SHISA9: variants seen among roughly 807,000 people sequenced by gnomAD.
The protein encoded by SHISA9 is shisa family member 9.
Under a neutral mutation model 38.0 loss-of-function variants are expected in SHISA9, and 13 were observed. That is an observed-to-expected ratio of 0.34 (90% confidence interval 0.22 to 0.54). The LOEUF (loss-of-function observed/expected upper bound fraction) is 0.54, where lower values mean the gene tolerates loss of function less well. Ranked by LOEUF, SHISA9 falls within the 20% of genes least tolerant of loss-of-function variation. The probability of loss-of-function intolerance (pLI) is 0.91; values close to 1 mark genes in which losing one functional copy is unlikely to be tolerated. For missense variants in SHISA9, 538 were observed against 575.8 expected, an observed-to-expected ratio of 0.93 and a Z score of 0.67; for synonymous variants, 275 against 242.0, an observed-to-expected ratio of 1.14 and a Z score of -1.27.
At chr16:13,393,901 A>G in the SHISA9 span, among the ~76,000 whole-genome samples, 7 of 152,154 alleles carry the variant, frequency 4.6e-5, no homozygotes, top group African/African-American at 1.7e-4. Context: ...TGCTCTGACA[A>G]GTTGGGTCAT....
At chr16:13,536,349 G>A in the SHISA9 span, among the ~76,000 whole-genome samples, 10 of 152,184 alleles carry the variant, frequency 6.6e-5, no homozygotes, top group Middle Eastern at 3.4e-3. Context: ...TATCCCTGTG[G>A]CTACTTCTTT....
intron 2 of SHISA9, among the ~76,000 whole-genome samples, chr16:13,067,028 T>A (rs1338168127): frequency 1.3e-5 from 2 of 152,182 alleles, no homozygotes; most frequent in Admixed American, 1.3e-4. Flanking sequence ...CTTTGGGTAT[T>A]AGGGTGGATG....
chr16:13,347,587 G>GA, the SHISA9 span, among the ~76,000 whole-genome samples: 1 of 151,974 alleles, frequency 6.6e-6, no homozygotes, highest in African/African-American at 2.4e-5. Context: ...TCTGGACAAA[G>GA]AAAAAAATAC....
chr16:13,330,541 T>C, the SHISA9 span, among the ~76,000 whole-genome samples: 2 of 152,330 alleles, frequency 1.3e-5, no homozygotes, highest in South Asian at 4.1e-4. Flanking sequence ...TAGGCATCTA[T>C]CATCCCACTT....
the SHISA9 span, among the ~76,000 whole-genome samples, chr16:13,387,666 T>A: frequency 6.6e-6 from 1 of 152,008 alleles, no homozygotes; most frequent in African/African-American, 2.4e-5. Flanking sequence ...ATTTTTGTAT[T>A]TTTAGTAGAG....
chr16:13,397,932 G>C, the SHISA9 span, among the ~76,000 whole-genome samples: 1 of 152,182 alleles, frequency 6.6e-6, no homozygotes, highest in African/African-American at 2.4e-5. Flanking sequence ...TCAGCAGAGC[G>C]GGGAGCCAGA....
At chr16:13,108,055 A>G (rs143167980) in intron 2 of SHISA9, among the ~76,000 whole-genome samples, 1 of 152,252 alleles carries the variant, frequency 6.6e-6, no homozygotes, top group East Asian at 1.9e-4. Flanking sequence ...CTGAGAAATA[A>G]GAAATTTTGG....
At chr16:13,392,882 TACTC>T in the SHISA9 span, among the ~76,000 whole-genome samples, 2 of 152,338 alleles carry the variant, frequency 1.3e-5, no homozygotes, top group Admixed American at 6.5e-5. Flanking sequence ...GGGATTCTCT[TACTC>T]ACAGCCTTAG....
the SHISA9 span, among the ~76,000 whole-genome samples, chr16:13,302,979 AG>A: frequency 6.6e-6 from 1 of 152,164 alleles, no homozygotes; most frequent in Non-Finnish European, 1.5e-5. Context: ...AGGCCTCCCC[AG>A]CCATGCGAAA....
intron 2 of SHISA9, among the ~76,000 whole-genome samples, chr16:12,982,235 G>T (rs201409950): frequency 1.3e-5 from 2 of 152,214 alleles, no homozygotes; most frequent in Non-Finnish European, 2.9e-5. Flanking sequence ...ATGGTGGCCA[G>T]TAGCCACATG....
the SHISA9 span, among the ~76,000 whole-genome samples, chr16:13,332,236 G>A: frequency 6.6e-6 from 1 of 152,182 alleles, no homozygotes; most frequent in Non-Finnish European, 1.5e-5. Context: ...CTGGAACTCA[G>A]AAGTTCTCAA....
chr16:13,531,838 G>C, the SHISA9 span, among the ~76,000 whole-genome samples: 1 of 152,204 alleles, frequency 6.6e-6, no homozygotes, highest in Admixed American at 6.5e-5. Context: ...TTCATGTTCA[G>C]TGTGTGGCAC....
chr16:13,317,762 G>A, the SHISA9 span, among the ~76,000 whole-genome samples: 1 of 152,176 alleles, frequency 6.6e-6, no homozygotes, highest in Non-Finnish European at 1.5e-5. Context: ...GTCCCTTCAT[G>A]TGTCAAACTT....
intron 3 of SHISA9, among the ~76,000 whole-genome samples, chr16:13,211,296 ACT>A (rs2051117047): frequency 6.6e-6 from 1 of 150,568 alleles, no homozygotes; most frequent in South Asian, 2.1e-4. Context: ...ACAAAGCAAG[ACT>A]CTGTCTCAAG....
At chr16:13,333,044 T>G in the SHISA9 span, among the ~76,000 whole-genome samples, 1 of 152,160 alleles carries the variant, frequency 6.6e-6, no homozygotes, top group Non-Finnish European at 1.5e-5. Flanking sequence ...TCCTCTGCCG[T>G]GCCCGTCGAA....
downstream of SHISA9, among the ~76,000 whole-genome samples, chr16:13,243,769 G>GTTTTTTTTTTT (rs34605909): frequency 1.1e-5 from 1 of 89,814 alleles, no homozygotes. Context: ...TTACAGCAGC[G>GTTTTTTTTTTT]TTTTTTTTTT....
At chr16:13,056,254 G>A (rs2073309676) in intron 2 of SHISA9, among the ~76,000 whole-genome samples, 1 of 152,246 alleles carries the variant, frequency 6.6e-6, no homozygotes, top group East Asian at 1.9e-4. Context: ...AATGACAGAA[G>A]TGTGCTGGGG....
chr16:13,297,836 A>G, the SHISA9 span, among the ~76,000 whole-genome samples: 1 of 152,062 alleles, frequency 6.6e-6, no homozygotes, highest in Non-Finnish European at 1.5e-5. Flanking sequence ...GGCTCACTGC[A>G]ACCTCTACCT....
chr16:13,496,928 A>G, the SHISA9 span, among the ~76,000 whole-genome samples: 1 of 152,186 alleles, frequency 6.6e-6, no homozygotes. Flanking sequence ...GTATTATTAA[A>G]ATGTCACTTC....
Sources: gnomAD v4.1 joint callset for allele counts (sites outside exome capture counted in the v4.1 genomes callset) on GRCh38, gnomAD v4.1.1 for gene constraint, MANE v1.5 for transcripts, NCBI Gene and HGNC (gene_info 2026-07-23, HGNC 2026-07-21) for gene names.